RUNX2: variants seen among roughly 807,000 people sequenced by gnomAD.
RUNX2 encodes the protein RUNX family transcription factor 2.
In RUNX2, 10 loss-of-function variants were observed where a neutral mutation model predicts 51.7. The observed-to-expected ratio is 0.19, with a 90% CI of 0.12 to 0.33. RUNX2 has a LOEUF of 0.33. Among genes scored for constraint, RUNX2 ranks in the 10% least tolerant of loss-of-function variants. The probability of loss-of-function intolerance (pLI) is 1.00; values close to 1 mark genes in which losing one functional copy is unlikely to be tolerated. For missense variants in RUNX2, 562 were observed against 691.3 expected (o/e 0.81, Z 2.10); for synonymous variants, 276 against 273.6 (o/e 1.01, Z -0.09).
At chr6:45,424,296 C>G (rs1271546297) in intron 3 of RUNX2, among the ~76,000 whole-genome samples, 1 of 152,252 alleles carries the variant, frequency 6.6e-6, no homozygotes, top group African/African-American at 2.4e-5. Flanking sequence ...GGGGGAGACG[C>G]GGAGCCCCCA....
intron 2 of RUNX2, chr6:45,421,017 C>T (rs1798172215): frequency 6.6e-6 from 1 of 152,104 alleles, no homozygotes. Flanking sequence ...TTTGGGGGAT[C>T]CAAAGTCGCT....
chr6:45,416,668 C>G (rs780768983), intron 2 of RUNX2, among the ~76,000 whole-genome samples: 2 of 152,156 alleles, frequency 1.3e-5, no homozygotes, highest in Non-Finnish European at 2.9e-5. Context: ...TTCTCTGACT[C>G]CTGGGTAATG....
intron 2 of RUNX2, among the ~76,000 whole-genome samples, chr6:45,337,671 G>A (rs1172014094): frequency 2.0e-5 from 3 of 151,650 alleles, no homozygotes; most frequent in Non-Finnish European, 4.4e-5. Context: ...TATCCTCAGA[G>A]CAAAACATTT....
intron 2 of RUNX2, among the ~76,000 whole-genome samples, chr6:45,359,349 G>A (rs1387730906): frequency 1.3e-5 from 2 of 152,018 alleles, no homozygotes; most frequent in East Asian, 1.9e-4. Flanking sequence ...CAGGAAATCT[G>A]CCTTTATACA....
chr6:45,436,340 G>T (rs1798685239), intron 4 of RUNX2, among the ~76,000 whole-genome samples: 1 of 151,054 alleles, frequency 6.6e-6, no homozygotes, highest in South Asian at 2.1e-4. Flanking sequence ...GAAAAATGAG[G>T]TTCAGATCTT....
Position 45,437,975 on chromosome 6 carries a change from C to T in RUNX2, c.609C>T (p.Val203=), listed in dbSNP as rs528172842. The T allele has an allele frequency of 3.1e-6, 5 of 1,613,452 alleles. No individual in the cohort carries two copies. The highest frequency in any genetic ancestry group is 2.2e-5 in the East Asian group (1 of 44,850). ...RGKSFTLTIT[V]FTNPPQVATY... ...AGAGTTTCACCTTGACCATAACCGT[C>T]TTCACAAATCCTCCCCAAGTAGCTA... The change falls in exon 5 of 9, where the codon GTC becomes GTT. Residue 203 remains valine, a synonymous_variant. Transcript: ENST00000647337.
rs1032694844 is a variant in RUNX2 at position 45,546,961 on chromosome 6, A to G, written c.1222A>G (p.Met408Val). The G allele has an allele frequency of 3.1e-6, 5 of 1,613,796 alleles. No individual in the cohort carries two copies. Among genetic ancestry groups the G allele is most frequent in the Non-Finnish European group, 3.4e-6 (4 of 1,179,996 alleles). The change falls in exon 9 of 9, where the codon ATG becomes GTG. Residue 408 changes from methionine (M) to valine (V), a missense_variant. This residue lies in a region of RUNX2 where 304 missense variants were observed against 353.2 expected (regional missense o/e 0.86). Coordinates refer to ENST00000647337, the MANE Select transcript of RUNX2 (RefSeq NM_001024630.4). ...TTACACCCCGCCAGTCACCTCAGGC[A>G]TGTCCCTCGGTATGTCCGCCACCAC... ...FTYTPPVTSGMSLGMSATTHY... is the reference protein window; with the variant it reads ...FTYTPPVTSGVSLGMSATTHY...
At chr6:45,394,220 A>G (rs977496374) in intron 2 of RUNX2, among the ~76,000 whole-genome samples, 1 of 152,016 alleles carries the variant, frequency 6.6e-6, no homozygotes, top group African/African-American at 2.4e-5. Flanking sequence ...CACACTCTTA[A>G]CCAGATCTCA....
intron 6 of RUNX2, among the ~76,000 whole-genome samples, chr6:45,507,165 A>G (rs1298747421): frequency 6.6e-6 from 1 of 152,012 alleles, no homozygotes; most frequent in African/African-American, 2.4e-5. Flanking sequence ...TCTTCCCTCC[A>G]TGTTTCTGTA....
intron 5 of RUNX2, among the ~76,000 whole-genome samples, chr6:45,469,122 T>A (rs1799725194): frequency 6.6e-6 from 1 of 152,242 alleles, no homozygotes; most frequent in African/African-American, 2.4e-5. Flanking sequence ...GCACTTAGAA[T>A]TCTTAAAACA....
At chr6:45,541,375 A>G (rs574091636) in intron 7 of RUNX2, among the ~76,000 whole-genome samples, 1 of 152,334 alleles carries the variant, frequency 6.6e-6, no homozygotes, top group African/African-American at 2.4e-5. Flanking sequence ...TAGGAAATTA[A>G]ATAATAGAGC....
chr6:45,445,900 A>G (rs1252354822), intron 5 of RUNX2, among the ~76,000 whole-genome samples: 2 of 152,090 alleles, frequency 1.3e-5, no homozygotes, highest in African/African-American at 2.4e-5. Context: ...TGAGAAGACC[A>G]GTTTTAAATA....
At chr6:45,524,350 A>C (rs1242863014) in intron 7 of RUNX2, among the ~76,000 whole-genome samples, 1 of 152,206 alleles carries the variant, frequency 6.6e-6, no homozygotes, top group Non-Finnish European at 1.5e-5. Context: ...GAAACATGCC[A>C]TGTATTTTCC....
chr6:45,396,850 A>G (rs1240556186), intron 2 of RUNX2, among the ~76,000 whole-genome samples: 3 of 152,200 alleles, frequency 2.0e-5, no homozygotes, highest in Admixed American at 6.5e-5. Context: ...ATTCCTTTAT[A>G]TCACTGAATA....
intron 7 of RUNX2, among the ~76,000 whole-genome samples, chr6:45,520,930 G>T (rs2150429874): frequency 6.6e-6 from 1 of 152,252 alleles, no homozygotes; most frequent in Non-Finnish European, 1.5e-5. Context: ...ATGTTGGCCA[G>T]GCTGCGAACT....
chr6:45,477,633 A>G (rs1394547898), intron 5 of RUNX2, among the ~76,000 whole-genome samples: 1 of 152,090 alleles, frequency 6.6e-6, no homozygotes, highest in African/African-American at 2.4e-5. Context: ...CTGTACCTCT[A>G]TTCTATGTCT....
intron 5 of RUNX2, among the ~76,000 whole-genome samples, chr6:45,476,380 T>C (rs1318044261): frequency 7.1e-6 from 1 of 140,590 alleles, no homozygotes; most frequent in Non-Finnish European, 1.6e-5. Context: ...GGAGGATGGT[T>C]AATTTTGGAG....
At chr6:45,438,261 A>G (rs1240875866) in intron 5 of RUNX2, among the ~76,000 whole-genome samples, 1 of 152,160 alleles carries the variant, frequency 6.6e-6, no homozygotes, top group Admixed American at 6.5e-5. Flanking sequence ...CCACACAATC[A>G]CTAAGGCCTC....
At chr6:45,387,643 C>T (rs1441854124) in intron 2 of RUNX2, among the ~76,000 whole-genome samples, 1 of 152,140 alleles carries the variant, frequency 6.6e-6, no homozygotes, top group Non-Finnish European at 1.5e-5. Flanking sequence ...AGCTTCTATC[C>T]GCACCATTCT....
Sources: allele counts gnomAD v4.1 joint callset (sites outside exome capture counted in the v4.1 genomes callset), GRCh38; gene constraint gnomAD v4.1.1; regional missense constraint gnomAD v4.1.1; transcripts MANE v1.5; gene names NCBI Gene and HGNC (gene_info 2026-07-23, HGNC 2026-07-21).